RBM6: variants seen among roughly 807,000 people sequenced by gnomAD.
The protein encoded by RBM6 is RNA-binding protein 6.
RBM6 carries 23 observed loss-of-function variants against 140.4 expected under a neutral mutation model. That is an observed-to-expected ratio of 0.16 (90% CI 0.12 to 0.23). RBM6 has a LOEUF of 0.23. Among genes scored for constraint, RBM6 ranks in the 10% least tolerant of loss-of-function variants. The pLI is 1.00. For missense variants in RBM6, 1,139 were observed against 1,386.7 expected (o/e 0.82, Z 2.84); for synonymous variants, 439 against 475.6 (o/e 0.92, Z 1.00).
At chr3:50,012,068 C>T (rs1049869933) in intron 6 of RBM6, among the ~76,000 whole-genome samples, 11 of 151,976 alleles carry the variant, frequency 7.2e-5, no homozygotes, top group African/African-American at 2.7e-4. Context: ...CCAGGTTGGT[C>T]TTGAACTTCT....
chr3:49,976,379 T>A (rs1386304787), intron 5 of RBM6, among the ~76,000 whole-genome samples: 3 of 152,210 alleles, frequency 2.0e-5, no homozygotes, highest in African/African-American at 7.2e-5. Flanking sequence ...TCAGAAATAA[T>A]TTGTTCTGTA....
chr3:50,041,211 T>A (rs933692637), intron 6 of RBM6, among the ~76,000 whole-genome samples: 1 of 152,174 alleles, frequency 6.6e-6, no homozygotes, highest in Admixed American at 6.5e-5. Flanking sequence ...CAACCTTACA[T>A]TGGACACTGA....
intron 5 of RBM6, among the ~76,000 whole-genome samples, chr3:49,977,098 A>G (rs970755535): frequency 6.6e-6 from 1 of 152,200 alleles, no homozygotes; most frequent in African/African-American, 2.4e-5. Flanking sequence ...TAGGGCCTTC[A>G]TCTTCACTTG....
chr3:50,004,724 A>G (rs1392126548), intron 6 of RBM6, among the ~76,000 whole-genome samples: 1 of 151,908 alleles, frequency 6.6e-6, no homozygotes, highest in Non-Finnish European at 1.5e-5. Flanking sequence ...GGCTTAAGCA[A>G]TCCTCTCACC....
At chr3:49,959,086 C>T (rs1032090080) in intron 1 of RBM6, among the ~76,000 whole-genome samples, 5 of 151,890 alleles carry the variant, frequency 3.3e-5, no homozygotes, top group Admixed American at 3.3e-4. Context: ...AGCCACTGTG[C>T]CCGGACTGAA....
intron 6 of RBM6, among the ~76,000 whole-genome samples, chr3:50,041,570 G>T (rs772016855): frequency 6.6e-6 from 1 of 152,198 alleles, no homozygotes; most frequent in African/African-American, 2.4e-5. Context: ...TATACTAAGA[G>T]AAATGACACA....
chr3:50,059,803 A>G lies in RBM6; in HGVS notation c.2228+57A>G. The G allele has an allele frequency of 3.6e-6, 5 of 1,386,118 alleles. No individual in the cohort carries two copies. In the South Asian group the frequency reaches 6.2e-5, roughly 17 times the overall value. 85.9% of individuals were successfully genotyped at this position (1,386,118 alleles called of 1,614,324 possible). A position where few individuals can be genotyped will look rare whatever the true frequency, so the allele number is the denominator to read the frequency against. On this transcript the variant is annotated intron_variant, in intron 11 of 20. Transcript: ENST00000266022. ...GCCCCCACTTGTGTTTTTGAGAGGAAACTCCTTTTCCTGGCTGGAAAAACA... is the reference window on the plus strand; with the variant it reads ...GCCCCCACTTGTGTTTTTGAGAGGAGACTCCTTTTCCTGGCTGGAAAAACA...
chr3:50,026,553 G>A (rs1575733951), intron 6 of RBM6, among the ~76,000 whole-genome samples: 1 of 149,732 alleles, frequency 6.7e-6, no homozygotes, highest in African/African-American at 2.5e-5. Flanking sequence ...CTAATTTTTT[G>A]TATTTTTAGT....
chr3:50,001,634 A>C (rs2086331620), intron 6 of RBM6, among the ~76,000 whole-genome samples: 1 of 152,166 alleles, frequency 6.6e-6, no homozygotes, highest in South Asian at 2.1e-4. Context: ...TCCTGGAACC[A>C]ATCCCCTGTG....
intron 6 of RBM6, among the ~76,000 whole-genome samples, chr3:50,045,688 GT>G (rs1313237068): frequency 1.3e-5 from 2 of 152,184 alleles, no homozygotes; most frequent in African/African-American, 4.8e-5. Flanking sequence ...ATGAGTGGCT[GT>G]TTGACTCCCA....
At chr3:50,049,567 A>G (rs2089378360) in intron 7 of RBM6, among the ~76,000 whole-genome samples, 1 of 152,166 alleles carries the variant, frequency 6.6e-6, no homozygotes, top group African/African-American at 2.4e-5. Context: ...AAAATTTAGT[A>G]AAGACTTTAG....
intron 7 of RBM6, among the ~76,000 whole-genome samples, chr3:50,052,310 C>T (rs1186788337): frequency 1.3e-5 from 2 of 152,222 alleles, no homozygotes; most frequent in South Asian, 2.1e-4. Context: ...AATGATCCAA[C>T]TTCCTCGGCC....
chr3:50,041,500 T>G (rs1279763752), intron 6 of RBM6, among the ~76,000 whole-genome samples: 2 of 152,324 alleles, frequency 1.3e-5, no homozygotes, highest in African/African-American at 4.8e-5. Flanking sequence ...TAACATATCC[T>G]TGTACCATAA....
intron 1 of RBM6, among the ~76,000 whole-genome samples, chr3:49,958,118 C>T (rs541969514): frequency 2.6e-5 from 4 of 152,142 alleles, no homozygotes; most frequent in Non-Finnish European, 5.9e-5. Flanking sequence ...CATGGCTTCA[C>T]GTCTAGCTTT....
At chr3:50,044,356 G>A (rs2089110099) in intron 6 of RBM6, among the ~76,000 whole-genome samples, 1 of 152,028 alleles carries the variant, frequency 6.6e-6, no homozygotes, top group African/African-American at 2.4e-5. Flanking sequence ...GGGCGCTGGG[G>A]CTCATGCCTG....
rs1575909911 is a variant in RBM6 at position 50,077,145 on chromosome 3, A to G, written c.*12A>G. ...AAGAACTCGATTAAGAAAGGAGACA[A>G]GTTCCATGGGATACAACCTCCCTCT... On this transcript the variant is annotated 3_prime_UTR_variant, in exon 21 of 21. Coordinates refer to ENST00000266022, the MANE Select transcript of RBM6 (RefSeq NM_005777.3). 6.2e-7 allele frequency: 1 copy of G among 1,607,234 alleles called. No homozygotes were observed. The highest frequency in any genetic ancestry group is 8.5e-7 in the Non-Finnish European group (1 of 1,177,580).
At chr3:49,955,160 CTTTTTTTT>C (rs869272546) in intron 1 of RBM6, among the ~76,000 whole-genome samples, 3 of 72,706 alleles carry the variant, frequency 4.1e-5, no homozygotes, top group African/African-American at 1.7e-4. Context: ...TTTTTTCTTT[CTTTTTTTT>C]TTTTTTTTTT....
At chr3:49,958,424 A>G (rs1271605298) in intron 1 of RBM6, among the ~76,000 whole-genome samples, 2 of 152,118 alleles carry the variant, frequency 1.3e-5, no homozygotes, top group African/African-American at 2.4e-5. Context: ...AACAAAAAAA[A>G]CTATTAGCTG....
intron 7 of RBM6, among the ~76,000 whole-genome samples, chr3:50,051,662 T>G (rs1028088798): frequency 2.0e-5 from 3 of 152,172 alleles, no homozygotes; most frequent in Non-Finnish European, 4.4e-5. Flanking sequence ...AAGAAAAATT[T>G]TAAGTTTATT....
Sources: allele counts gnomAD v4.1 joint callset (sites outside exome capture counted in the v4.1 genomes callset), GRCh38; gene constraint gnomAD v4.1.1; transcripts MANE v1.5; gene names NCBI Gene and HGNC (gene_info 2026-07-23, HGNC 2026-07-21).